Variants in AGBL4 observed in about 807,000 individuals in gnomAD.
AGBL4 encodes the protein cytosolic carboxypeptidase 6.
In AGBL4, 58 loss-of-function variants were observed where a neutral mutation model predicts 66.4. That is an observed-to-expected ratio of 0.87 (90% CI 0.71 to 1.09). AGBL4 has a LOEUF of 1.09. AGBL4 is among the 50% of genes least tolerant of loss of function. The probability of loss-of-function intolerance (pLI) is 0.00; values close to 1 mark genes in which losing one functional copy is unlikely to be tolerated. For synonymous variants in AGBL4, 234 were observed against 222.9 expected, an observed-to-expected ratio of 1.05 and a Z score of -0.44; for missense variants, 579 against 631.0, an observed-to-expected ratio of 0.92 and a Z score of 0.88.
chr1:49,605,081 G>C (rs2124192125), intron 3 of AGBL4, among the ~76,000 whole-genome samples: 1 of 152,102 alleles, frequency 6.6e-6, no homozygotes. Context: ...TTACCTATTA[G>C]AAAATTGTGG....
At chr1:48,640,919 G>T (rs1645744659) in intron 8 of AGBL4, among the ~76,000 whole-genome samples, 1 of 152,148 alleles carries the variant, frequency 6.6e-6, no homozygotes, top group African/African-American at 2.4e-5. Context: ...TGAGAGCAAT[G>T]ATTTCAATTC....
intron 8 of AGBL4, among the ~76,000 whole-genome samples, chr1:48,640,890 G>A (rs574787329): frequency 1.2e-4 from 19 of 152,244 alleles, no homozygotes; most frequent in East Asian, 1.9e-4. Flanking sequence ...ATCGCTATTC[G>A]CAATAATGGC....
chr1:49,388,870 G>A (rs2148588512), intron 3 of AGBL4, among the ~76,000 whole-genome samples: 1 of 152,256 alleles, frequency 6.6e-6, no homozygotes, highest in Admixed American at 6.5e-5. Flanking sequence ...TGGATAAGGA[G>A]GTAACAGAAT....
intron 10 of AGBL4, among the ~76,000 whole-genome samples, chr1:48,588,337 G>C (rs1161031635): frequency 6.6e-6 from 1 of 152,222 alleles, no homozygotes; most frequent in Non-Finnish European, 1.5e-5. Flanking sequence ...TCACTCTCAA[G>C]TCCTCTGTTC....
chr1:48,766,209 C>T (rs755501803), intron 6 of AGBL4, among the ~76,000 whole-genome samples: 2 of 152,104 alleles, frequency 1.3e-5, no homozygotes, highest in Non-Finnish European at 2.9e-5. Context: ...GTATTATAAG[C>T]CACATTTTTT....
chr1:49,888,836 T>A (rs1355658644), intron 1 of AGBL4, among the ~76,000 whole-genome samples: 1 of 152,174 alleles, frequency 6.6e-6, no homozygotes, highest in Non-Finnish European at 1.5e-5. Flanking sequence ...GAATAGGAAG[T>A]TGGACAAGAT....
chr1:49,673,007 T>A (rs1443924933), intron 3 of AGBL4, among the ~76,000 whole-genome samples: 1 of 148,562 alleles, frequency 6.7e-6, no homozygotes, highest in Non-Finnish European at 1.5e-5. Flanking sequence ...AGAAAAGACA[T>A]ACACTTCCAA....
chr1:48,738,645 A>C (rs895887473), intron 6 of AGBL4, among the ~76,000 whole-genome samples: 2 of 152,220 alleles, frequency 1.3e-5, no homozygotes, highest in Non-Finnish European at 2.9e-5. Context: ...TGAATCAGAA[A>C]ATCATAGAGA....
intron 3 of AGBL4, among the ~76,000 whole-genome samples, chr1:49,565,556 T>C (rs537238470): frequency 2.0e-5 from 3 of 152,108 alleles, no homozygotes; most frequent in African/African-American, 4.8e-5. Context: ...TTCTCCTTCA[T>C]GTATGAAGCT....
At chr1:49,864,986 G>A (rs1171161326) in intron 1 of AGBL4, among the ~76,000 whole-genome samples, 2 of 152,192 alleles carry the variant, frequency 1.3e-5, no homozygotes, top group Non-Finnish European at 2.9e-5. Flanking sequence ...TGATGTGGCA[G>A]ATCTTGACCA....
intron 2 of AGBL4, among the ~76,000 whole-genome samples, chr1:49,735,341 A>T (rs1649798839): frequency 6.7e-6 from 1 of 150,280 alleles, no homozygotes; most frequent in Non-Finnish European, 1.5e-5. Flanking sequence ...GTGTAGAGAG[A>T]GAGAGACAGA....
chr1:49,580,343 C>T (rs1046516775), intron 3 of AGBL4, among the ~76,000 whole-genome samples: 5 of 152,080 alleles, frequency 3.3e-5, no homozygotes, highest in African/African-American at 1.2e-4. Flanking sequence ...TGAGGTTGTG[C>T]TACTGTAATG....
chr1:49,732,575 A>T (rs1393315114), intron 2 of AGBL4, among the ~76,000 whole-genome samples: 2 of 152,214 alleles, frequency 1.3e-5, no homozygotes, highest in East Asian at 3.8e-4. Flanking sequence ...CAAAAAGGAT[A>T]CAGAAATTAT....
At chr1:49,669,636 TAGAA>T (rs1319928251) in intron 3 of AGBL4, among the ~76,000 whole-genome samples, 2 of 152,088 alleles carry the variant, frequency 1.3e-5, no homozygotes, top group African/African-American at 2.4e-5. Context: ...ACTGCAATGA[TAGAA>T]AGGGAAAGAA....
chr1:48,571,252 T>A (rs928038979), intron 11 of AGBL4, among the ~76,000 whole-genome samples: 4 of 152,228 alleles, frequency 2.6e-5, no homozygotes, highest in African/African-American at 9.6e-5. Flanking sequence ...ACCAGACATG[T>A]ATGATTTCTG....
intron 4 of AGBL4, among the ~76,000 whole-genome samples, chr1:49,097,906 A>C (rs770858100): frequency 5.9e-5 from 9 of 152,244 alleles, no homozygotes; most frequent in Non-Finnish European, 1.0e-4. Flanking sequence ...ATGAGGTAAA[A>C]GTCTTTCATT....
At chr1:49,084,881 C>T (rs1291998849) in intron 4 of AGBL4, among the ~76,000 whole-genome samples, 1 of 152,166 alleles carries the variant, frequency 6.6e-6, no homozygotes, top group Non-Finnish European at 1.5e-5. Flanking sequence ...AGTGATGGGT[C>T]TGAGACCGTC....
At chr1:49,006,384 G>T (rs951136642) in intron 5 of AGBL4, among the ~76,000 whole-genome samples, 2 of 152,106 alleles carry the variant, frequency 1.3e-5, no homozygotes, top group Non-Finnish European at 1.5e-5. Context: ...CTACGCCCAC[G>T]GAGTCTTGCT....
intron 3 of AGBL4, among the ~76,000 whole-genome samples, chr1:49,318,095 G>A (rs1463516957): frequency 1.3e-5 from 2 of 151,894 alleles, no homozygotes; most frequent in Non-Finnish European, 2.9e-5. Context: ...CAGAATGACA[G>A]AAAAGTATAT....
Sources: gnomAD v4.1 joint callset for allele counts (sites outside exome capture counted in the v4.1 genomes callset) on GRCh38, gnomAD v4.1.1 for gene constraint, MANE v1.5 for transcripts, NCBI Gene and HGNC (gene_info 2026-07-23, HGNC 2026-07-21) for gene names.